Variants in FCRL3 observed in about 807,000 individuals in gnomAD.
The protein encoded by FCRL3 is Fc receptor-like protein 3.
FCRL3 carries 89 observed loss-of-function variants against 75.0 expected under a neutral mutation model. The ratio of observed to expected loss-of-function variants is 1.19; its 90% CI spans 1.00 to 1.42. FCRL3 has a LOEUF of 1.42. Among genes scored for constraint, FCRL3 ranks in the 40% most tolerant of loss-of-function variants. The pLI, the probability that FCRL3 is intolerant of heterozygous loss-of-function variation, is 0.00. For missense variants in FCRL3, 946 were observed against 880.0 expected, an observed-to-expected ratio of 1.07 and a Z score of -0.95; for synonymous variants, 376 against 348.5, an observed-to-expected ratio of 1.08 and a Z score of -0.88.
chr1:157,697,800 G>A lies in FCRL3; in HGVS notation c.418C>T (p.Leu140Phe). 6.2e-7 allele frequency: 1 copy of A among 1,614,134 alleles called. No homozygotes were observed. Among genetic ancestry groups the A allele is most frequent in the Non-Finnish European group, 8.5e-7 (1 of 1,180,020 alleles). Residue 140 changes from leucine (L) to phenylalanine (F), a missense_variant, in exon 5 of 15, where the codon CTT becomes TTT. Leu to Phe is a conservative substitution (Grantham distance 22). Transcript: ENST00000368184. ...QKVYYKDGKQ[L>F]PNSYNLEKIT... is the part of the protein sequence containing the mutation. ...TTCTCTAAATTATAACTATTAGGAA[G>A]CTGTTTTCCATCCTTGTAGTAAACC...
chr1:157,688,791 G>A (rs556522136), intron 10 of FCRL3, among the ~76,000 whole-genome samples: 1 of 152,112 alleles, frequency 6.6e-6, no homozygotes, highest in East Asian at 1.9e-4. Flanking sequence ...TCATAAACAT[G>A]GACGTAAACA....
At chr1:157,694,043 C>T (rs893682091) in intron 8 of FCRL3, among the ~76,000 whole-genome samples, 1 of 152,164 alleles carries the variant, frequency 6.6e-6, no homozygotes, top group African/African-American at 2.4e-5. Flanking sequence ...AGCCACTGCA[C>T]CCGGCCCCTT....
intron 2 of FCRL3, among the ~76,000 whole-genome samples, chr1:157,700,096 T>G (rs1025806816): frequency 1.3e-5 from 2 of 152,196 alleles, no homozygotes; most frequent in African/African-American, 4.8e-5. Flanking sequence ...GTGATGTTTC[T>G]CAGTAAACCT....
Position 157,698,246 on chromosome 1 carries a change from C to G in FCRL3, c.298+138G>C, listed in dbSNP as rs1337448662. ...ATCCAGCATCATGCTGCTGCCCTAT[C>G]TCTTTATTTTCCCCACTGGGGTCAG... On this transcript the variant is annotated intron_variant, in intron 4 of 14. Coordinates refer to ENST00000368184, the MANE Select transcript of FCRL3 (RefSeq NM_052939.4). 83 of 1,050,900 alleles carry G rather than the reference C, an allele frequency of 7.9e-5. 1 individual carries two copies. Among genetic ancestry groups the G allele is most frequent in the Non-Finnish European group, 7.2e-5 (52 of 719,050 alleles). 65.1% of individuals were successfully genotyped at this position (1,050,900 alleles called of 1,614,324 possible).
intron 8 of FCRL3, among the ~76,000 whole-genome samples, chr1:157,692,454 G>A (rs897410335): frequency 1.3e-5 from 2 of 152,132 alleles, no homozygotes; most frequent in African/African-American, 2.4e-5. Flanking sequence ...TGCCCAGGCT[G>A]GTCTAAACTC....
chr1:157,678,368 A>G lies in FCRL3; in HGVS notation c.*342T>C, dbSNP rs1173887475. 1.8e-6 allele frequency: 2 copies of G among 1,096,998 alleles called. No homozygotes were observed. Among genetic ancestry groups the G allele is most frequent in the Non-Finnish European group, 2.2e-6 (2 of 899,582 alleles). 68.0% of individuals were successfully genotyped at this position (1,096,998 alleles called of 1,614,324 possible). On this transcript the variant is annotated 3_prime_UTR_variant, in exon 15 of 15. Coordinates refer to ENST00000368184, the MANE Select transcript of FCRL3 (RefSeq NM_052939.4). ...GAGAGCACATTAACAGCTTTCGATC[A>G]CACTTGGATCAAATGGTCATGATTG... is the stretch of plus-strand genomic sequence containing the variant.
chr1:157,688,237 A>C (rs1174708338), intron 10 of FCRL3, among the ~76,000 whole-genome samples: 3 of 152,122 alleles, frequency 2.0e-5, no homozygotes, highest in Admixed American at 6.5e-5. Flanking sequence ...ATAGGCTAAA[A>C]GCAAAAGGAT....
rs375653960 is a variant in FCRL3, at chr1:157,681,110, G to A, written c.1839-11C>T. ...TCACTAGGACTGTGACTGTGACAGA[G>A]GGGGAGAGAATGGATTAAAAAGTAT... On this transcript the variant is annotated splice_polypyrimidine_tract_variant and intron_variant, in intron 11 of 14. Coordinates refer to ENST00000368184, the MANE Select transcript of FCRL3 (RefSeq NM_052939.4). 3 of 1,514,912 alleles carry A rather than the reference G, an allele frequency of 2.0e-6. No homozygotes were observed. Among genetic ancestry groups the A allele is most frequent in the South Asian group, 1.4e-5 (1 of 73,980 alleles). 93.8% of individuals were successfully genotyped at this position (1,514,912 alleles called of 1,614,324 possible).
intron 8 of FCRL3, 109 bp downstream of exon 8, chr1:157,695,220 G>A (rs921198394): frequency 8.8e-7 from 1 of 1,131,960 alleles, no homozygotes; most frequent in South Asian, 1.6e-5. Flanking sequence ...GTCAGAAAGA[G>A]TGGGAAGTCT....
chr1:157,699,755 A>T (rs1656195078), intron 2 of FCRL3, 43 bp from the exon 3 acceptor site: 1 of 1,606,972 alleles, frequency 6.2e-7, no homozygotes, highest in Non-Finnish European at 8.5e-7. Context: ...TCTCCGAAAC[A>T]TTTTCTAACA....
Position 157,677,910 on chromosome 1 carries a change from A to T in FCRL3, c.*800T>A. On this transcript the variant is annotated 3_prime_UTR_variant, in exon 15 of 15. Coordinates refer to ENST00000368184, the MANE Select transcript of FCRL3 (RefSeq NM_052939.4). ...GTGAGGTAGAGGAAGAGAATGGGAG[A>T]AGCCACATAGATATAGTAGGTTATT... The T allele has an allele frequency of 4.1e-6, 4 of 967,300 alleles. No homozygotes were observed. The highest frequency in any genetic ancestry group is 4.9e-6 in the Non-Finnish European group (4 of 813,756). The allele number at this position is 967,300 out of a possible 1,614,324, so 59.9% of individuals were successfully genotyped here. A position where few individuals can be genotyped will look rare whatever the true frequency, so the allele number is the denominator to read the frequency against.
In FCRL3 at chr1:157,676,839, G is replaced by A; in HGVS notation, c.*1871C>T. The A allele has an allele frequency of 6.5e-7, 1 of 1,543,528 alleles. No individual in the cohort carries two copies. The highest frequency in any genetic ancestry group is 8.7e-7 in the Non-Finnish European group (1 of 1,144,142). The stretch of plus-strand genomic sequence containing the variant: ...GAAAGTTCACTATAAGGCACAAAGG[G>A]GCTTGGCAAGGTAATTCCAAATCAG... On this transcript the variant is annotated 3_prime_UTR_variant, in exon 15 of 15. Coordinates refer to ENST00000368184, the MANE Select transcript of FCRL3 (RefSeq NM_052939.4).
At chr1:157,689,246 T>C (rs1415453472) in intron 10 of FCRL3, among the ~76,000 whole-genome samples, 1 of 152,226 alleles carries the variant, frequency 6.6e-6, no homozygotes, top group Non-Finnish European at 1.5e-5. Flanking sequence ...AACATGATCA[T>C]CTATATAGAA....
At chr1:157,683,308 G>T in intron 10 of FCRL3, 64 bp from the exon 11 acceptor site, 1 of 1,576,890 alleles carries the variant, frequency 6.3e-7, no homozygotes, top group Non-Finnish European at 8.6e-7. Flanking sequence ...CTCTCTGTTA[G>T]AACATTTTTT....
chr1:157,688,264 C>T (rs1306840104), intron 10 of FCRL3, among the ~76,000 whole-genome samples: 3 of 152,120 alleles, frequency 2.0e-5, no homozygotes, highest in East Asian at 1.9e-4. Flanking sequence ...AAATCACATG[C>T]TAACACTAAT....
Position 157,678,766 on chromosome 1 carries a change from C to G in FCRL3, c.2149G>C (p.Asp717His). The change falls in exon 15 of 15, where the codon GAT (aspartate) becomes CAT (histidine). Residue 717 changes from aspartate to histidine, a missense_variant. Physicochemically the swap from Asp to His is moderately conservative, Grantham distance 81. Coordinates refer to ENST00000368184, the MANE Select transcript of FCRL3 (RefSeq NM_052939.4). ...ACATTCTCATAGTTTTCTTCATCAT[C>G]TTCTTCATGGGCCCTGCCTCTGCTG... ...ASSRGRAHEE[D>H]DEENYENVPR... is the part of the protein sequence containing the mutation. 1 of 1,614,094 alleles carries G rather than the reference C, an allele frequency of 6.2e-7. No homozygotes were observed. The highest frequency in any genetic ancestry group is 2.2e-5 in the East Asian group (1 of 44,884).
At chr1:157,689,615 A>C (rs756095388) in intron 10 of FCRL3, among the ~76,000 whole-genome samples, 183 bp downstream of exon 10, 1 of 152,174 alleles carries the variant, frequency 6.6e-6, no homozygotes, top group African/African-American at 2.4e-5. Flanking sequence ...ATGAGGTAAA[A>C]ATTTTATTGA....
In FCRL3 at chr1:157,677,536, T is replaced by C. The variant is rs753864586; in HGVS notation, c.*1174A>G. On this transcript the variant is annotated 3_prime_UTR_variant, in exon 15 of 15. Transcript: ENST00000368184. ...TGGAGGTGAAGTCACTGAAAATTGT[T>C]GGTACATTTTCATTTTTGTCATATT... is the stretch of plus-strand genomic sequence containing the variant. 2 of 985,252 alleles carry C rather than the reference T, an allele frequency of 2.0e-6. No individual in the cohort carries two copies. Among genetic ancestry groups the C allele is most frequent in the Non-Finnish European group, 2.4e-6 (2 of 829,738 alleles). 61.0% of individuals were successfully genotyped at this position (985,252 alleles called of 1,614,324 possible). A position where few individuals can be genotyped will look rare whatever the true frequency, so the allele number is the denominator to read the frequency against.
At position 157,680,790 on chromosome 1, in the gene FCRL3, A is replaced by G; in HGVS notation, c.1958-20T>C. On this transcript the variant is annotated intron_variant, in intron 12 of 14. Transcript: ENST00000368184. ...GATTTACTGTGAGAGAAGATATCAT[A>G]GTTGGTTGCAGTCAAGAGCTCATAT... 6.2e-7 allele frequency: 1 copy of G among 1,610,604 alleles called. No individual in the cohort carries two copies. Among genetic ancestry groups the G allele is most frequent in the East Asian group, 2.2e-5 (1 of 44,868 alleles).
Sources: allele counts gnomAD v4.1 joint callset (sites outside exome capture counted in the v4.1 genomes callset), GRCh38; gene constraint gnomAD v4.1.1; transcripts MANE v1.5; gene names NCBI Gene and HGNC (gene_info 2026-07-23, HGNC 2026-07-21).